KDR: variants seen among roughly 807,000 people sequenced by gnomAD.
The protein encoded by KDR is vascular endothelial growth factor receptor 2.
A neutral mutation model predicts 160.9 loss-of-function variants in KDR; 43 were observed. The ratio of observed to expected loss-of-function variants is 0.27; its 90% CI spans 0.21 to 0.34. The LOEUF is 0.34. KDR is among the 10% of genes least tolerant of loss of function. The probability of loss-of-function intolerance (pLI) is 1.00; values close to 1 mark genes in which losing one functional copy is unlikely to be tolerated. For synonymous variants in KDR, 617 were observed against 600.1 expected (o/e 1.03, Z -0.41); for missense variants, 1,469 against 1,666.4 (o/e 0.88, Z 2.06).
At chr4:55,088,811 A>G in intron 26 of KDR, 57 bp downstream of exon 26, 2 of 1,175,618 alleles carry the variant, frequency 1.7e-6, no homozygotes, top group Non-Finnish European at 2.6e-6. Context: ...AGGCAGTAGG[A>G]AAGTCCTTGA....
intron 18 of KDR, 114 bp from the exon 19 acceptor site, chr4:55,096,456 G>A: frequency 1.4e-6 from 1 of 731,980 alleles, no homozygotes; most frequent in South Asian, 1.5e-5. Context: ...TAACACAGCT[G>A]TGACCTAGTT....
At chr4:55,119,171 T>A (rs1035209163) in intron 2 of KDR, among the ~76,000 whole-genome samples, 2 of 151,242 alleles carry the variant, frequency 1.3e-5, no homozygotes, top group Non-Finnish European at 2.9e-5. Flanking sequence ...ATCACACCAC[T>A]GCACTTCAGC....
chr4:55,087,274 A>T (rs925994929), intron 27 of KDR, among the ~76,000 whole-genome samples: 19 of 152,256 alleles, frequency 1.2e-4, no homozygotes, highest in African/African-American at 4.3e-4. Context: ...TAATAAAAGC[A>T]TACACGGGGA....
At chr4:55,100,440 A>C (rs561635628) in intron 15 of KDR, among the ~76,000 whole-genome samples, 1 of 152,304 alleles carries the variant, frequency 6.6e-6, no homozygotes, top group African/African-American at 2.4e-5. Flanking sequence ...GGAGTATTAA[A>C]TATCTAGCTC....
At chr4:55,090,198 G>A (rs1456337218) in intron 22 of KDR, 120 bp from the exon 23 acceptor site, 1 of 1,134,308 alleles carries the variant, frequency 8.8e-7, no homozygotes, top group Non-Finnish European at 1.3e-6. Context: ...AACAAGGACT[G>A]GGTTAGTATC....
chr4:55,116,198 C>T (rs1273200424), intron 3 of KDR, among the ~76,000 whole-genome samples: 1 of 152,072 alleles, frequency 6.6e-6, no homozygotes, highest in Non-Finnish European at 1.5e-5. Context: ...AGGTGGATCA[C>T]TTGAGGTCAG....
At chr4:55,123,345 A>G (rs572614977) in intron 1 of KDR, among the ~76,000 whole-genome samples, 1 of 152,334 alleles carries the variant, frequency 6.6e-6, no homozygotes, top group South Asian at 2.1e-4. Flanking sequence ...AATGGCAGTA[A>G]AAATGATTCT....
intron 27 of KDR, among the ~76,000 whole-genome samples, chr4:55,087,139 G>T (rs1682317460): frequency 6.6e-6 from 1 of 152,196 alleles, no homozygotes; most frequent in African/African-American, 2.4e-5. Context: ...GAGATGCAGT[G>T]TCCAGTCTAA....
At chr4:55,106,050 C>G in intron 11 of KDR, 110 bp from the exon 12 acceptor site, 1 of 785,970 alleles carries the variant, frequency 1.3e-6, no homozygotes, top group South Asian at 1.4e-5. Context: ...GCCATTCCCA[C>G]TTCTGCAGCG....
chr4:55,121,319 A>T, intron 1 of KDR, 129 bp from the exon 2 acceptor site: 1 of 699,300 alleles, frequency 1.4e-6, no homozygotes, highest in Non-Finnish European at 2.5e-6. Flanking sequence ...AAAACTGGGA[A>T]TTTACTTTTC....
chr4:55,103,849 G>C (rs1199725954), intron 13 of KDR, among the ~76,000 whole-genome samples: 2 of 152,096 alleles, frequency 1.3e-5, no homozygotes, highest in Admixed American at 6.6e-5. Flanking sequence ...AAAATGGAGA[G>C]AAGTGGCACA....
At chr4:55,085,262 A>G (rs1158613684) in intron 27 of KDR, among the ~76,000 whole-genome samples, 1 of 152,210 alleles carries the variant, frequency 6.6e-6, no homozygotes, top group Non-Finnish European at 1.5e-5. Flanking sequence ...CTAAGTCTAG[A>G]CATGAGTGGT....
At chr4:55,122,110 T>A (rs925958206) in intron 1 of KDR, among the ~76,000 whole-genome samples, 26 of 152,184 alleles carry the variant, frequency 1.7e-4, no homozygotes, top group African/African-American at 5.8e-4. Flanking sequence ...AGCCCTGAAC[T>A]CATCCTGACA....
chr4:55,120,252 C>T (rs1720835941), intron 2 of KDR, among the ~76,000 whole-genome samples: 1 of 152,116 alleles, frequency 6.6e-6, no homozygotes, highest in African/African-American at 2.4e-5. Flanking sequence ...ACCCAAGGTC[C>T]TTTGTGGACC....
chr4:55,112,523 A>AT (rs72203928), intron 7 of KDR, among the ~76,000 whole-genome samples: 6,248 of 117,038 alleles, frequency 0.053, 223 homozygotes, highest in Non-Finnish European at 0.066. Flanking sequence ...TTATACCTTG[A>AT]TTTTTTTTTT....
chr4:55,115,073 A>C (rs781636487), intron 4 of KDR, 31 bp from the exon 5 acceptor site: 25 of 1,569,132 alleles, frequency 1.6e-5, no homozygotes, highest in Middle Eastern at 1.7e-4. Flanking sequence ...TCAAATATTT[A>C]ATCCAGTACC....
intron 7 of KDR, among the ~76,000 whole-genome samples, chr4:55,111,631 G>A (rs1005122823): frequency 6.6e-6 from 1 of 152,106 alleles, no homozygotes; most frequent in Non-Finnish European, 1.5e-5. Flanking sequence ...AAGTATTCTG[G>A]AAAACAAAAG....
At position 55,104,890 on chromosome 4, in the gene KDR, G is replaced by C; in HGVS notation, c.1740C>G (p.Asn580Lys). 1 of 1,613,960 alleles carries C rather than the reference G, an allele frequency of 6.2e-7. No individual in the cohort carries two copies. Among genetic ancestry groups the C allele is most frequent in the Non-Finnish European group, 8.5e-7 (1 of 1,179,898 alleles). ...GTGGGCCAAGCTTGTACCATGTGAG[G>C]TTCTCAAACGTAGATCTGTCTGCAG... is the stretch of plus-strand genomic sequence containing the variant. ...WCTADRSTFENLTWYKLGPQP... is the reference protein window; with the variant it reads ...WCTADRSTFEKLTWYKLGPQP... The change falls in exon 13 of 30, where the codon AAC becomes AAG. Residue 580 changes from asparagine (N) to lysine (K), a missense_variant. Coordinates refer to ENST00000263923, the MANE Select transcript of KDR (RefSeq NM_002253.4).
intron 19 of KDR, 67 bp downstream of exon 19, chr4:55,096,162 T>C (rs1720147499): frequency 2.3e-6 from 2 of 867,410 alleles, no homozygotes; most frequent in Admixed American, 3.4e-5. Flanking sequence ...AGTTGACTGC[T>C]TTCCCTCAAA....
Sources: allele counts gnomAD v4.1 joint callset (sites outside exome capture counted in the v4.1 genomes callset), GRCh38; gene constraint gnomAD v4.1.1; transcripts MANE v1.5; gene names NCBI Gene and HGNC (gene_info 2026-07-23, HGNC 2026-07-21).